The following COL6A6 variants were observed in gnomAD, a reference collection of about 807,000 sequenced individuals.
The protein encoded by COL6A6 is collagen alpha-6(VI) chain.
In COL6A6, 183 loss-of-function variants were observed where a neutral mutation model predicts 208.6. The ratio of observed to expected loss-of-function variants is 0.88; its 90% confidence interval spans 0.78 to 0.99. COL6A6 has a LOEUF of 0.99. COL6A6 is among the 50% of genes least tolerant of loss of function. The pLI is 0.00. For missense variants in COL6A6, 2,816 were observed against 2,815.2 expected (o/e 1.00, Z -0.01); for synonymous variants, 973 against 1,011.8 (o/e 0.96, Z 0.73).
At chr3:130,650,771 G>T (rs2065618379) in intron 33 of COL6A6, among the ~76,000 whole-genome samples, 1 of 152,190 alleles carries the variant, frequency 6.6e-6, no homozygotes, top group African/African-American at 2.4e-5. Context: ...AACTAGGGGT[G>T]ACAGCAGTAG....
intron 23 of COL6A6, among the ~76,000 whole-genome samples, chr3:130,615,318 G>GT (rs1239224526): frequency 1.1e-4 from 17 of 151,750 alleles, no homozygotes; most frequent in Admixed American, 3.9e-4. Context: ...ATATGATTTT[G>GT]TTTTTTTTCT....
chr3:130,611,199 G>A (rs2064348213), intron 23 of COL6A6, among the ~76,000 whole-genome samples: 1 of 151,518 alleles, frequency 6.6e-6, no homozygotes, highest in Non-Finnish European at 1.5e-5. Flanking sequence ...CCTAGGGTTG[G>A]GAATGACTGC....
At chr3:130,596,265 T>C (rs1000180246) in intron 18 of COL6A6, among the ~76,000 whole-genome samples, 8 of 152,216 alleles carry the variant, frequency 5.3e-5, no homozygotes, top group Admixed American at 1.3e-4. Context: ...AACTTAGAAA[T>C]ATTAGTTCAA....
intron 36 of COL6A6, among the ~76,000 whole-genome samples, chr3:130,672,513 C>G (rs2066244419): frequency 6.6e-6 from 1 of 151,712 alleles, no homozygotes; most frequent in African/African-American, 2.4e-5. Context: ...AGCGATTCTC[C>G]TGCCTCAACC....
chr3:130,662,894 G>C (rs2065972867), intron 35 of COL6A6, among the ~76,000 whole-genome samples: 1 of 152,118 alleles, frequency 6.6e-6, no homozygotes, highest in African/African-American at 2.4e-5. Context: ...CCATAAAAAA[G>C]AAACATGGGC....
chr3:130,591,833 C>G (rs2063722984), intron 13 of COL6A6, among the ~76,000 whole-genome samples: 2 of 152,100 alleles, frequency 1.3e-5, no homozygotes, highest in Non-Finnish European at 1.5e-5. Context: ...AAAGTTGGGG[C>G]TTGAGAGGGG....
At position 130,581,801 on chromosome 3, in the gene COL6A6, A is replaced by G; in HGVS notation, c.3788A>G (p.Asn1263Ser). The G allele has an allele frequency of 1.2e-6, 2 of 1,613,350 alleles. No homozygotes were observed. The highest frequency in any genetic ancestry group is 3.3e-5 in the Admixed American group (2 of 60,022). Residue 1263 changes from asparagine to serine, a missense_variant, in exon 9 of 37, where the codon AAT (asparagine) becomes AGT (serine). Physicochemically the swap from Asn to Ser is conservative, Grantham distance 46 (BLOSUM62 1). Coordinates refer to ENST00000358511, the MANE Select transcript of COL6A6 (RefSeq NM_001102608.3). Reference protein sequence around the residue: ...KFEIYSENILNSLKDITVKGP... With the variant: ...KFEIYSENILSSLKDITVKGP... ...GAGATCTACAGTGAAAACATACTGAATAGCTTGAAGGATATAACAGTTAAA... is the reference window on the plus strand; with the variant it reads ...GAGATCTACAGTGAAAACATACTGAGTAGCTTGAAGGATATAACAGTTAAA...
intron 33 of COL6A6, among the ~76,000 whole-genome samples, chr3:130,656,169 T>C (rs748787698): frequency 6.6e-6 from 1 of 152,246 alleles, no homozygotes; most frequent in Non-Finnish European, 1.5e-5. Context: ...CTCACCTTGT[T>C]GTCACCCACA....
At chr3:130,622,585 T>C (rs879421017) in intron 24 of COL6A6, among the ~76,000 whole-genome samples, 2 of 151,686 alleles carry the variant, frequency 1.3e-5, no homozygotes, top group South Asian at 2.1e-4. Context: ...GAGCCGGGCG[T>C]GGTGGCTCAC....
intron 1 of COL6A6, among the ~76,000 whole-genome samples, chr3:130,540,194 T>C (rs1045585357): frequency 5.9e-5 from 9 of 152,238 alleles, no homozygotes; most frequent in Non-Finnish European, 8.8e-5. Flanking sequence ...ACGACTTTTT[T>C]AGAGCAGTTT....
chr3:130,548,299 G>GTGT (rs773521049), intron 1 of COL6A6, among the ~76,000 whole-genome samples: 1 of 152,210 alleles, frequency 6.6e-6, no homozygotes, highest in African/African-American at 2.4e-5. Flanking sequence ...AGGAGAGGAA[G>GTGT]TGTTGCATAG....
chr3:130,567,531 G>A (rs765053058), intron 5 of COL6A6, among the ~76,000 whole-genome samples: 1 of 152,194 alleles, frequency 6.6e-6, no homozygotes, highest in Non-Finnish European at 1.5e-5. Context: ...AGATATATGA[G>A]TGTACACCAC....
Position 130,661,765 on chromosome 3 carries a change from T to A in COL6A6, c.5959T>A (p.Phe1987Ile), listed in dbSNP as rs2065938849. 6.2e-7 allele frequency: 1 copy of A among 1,613,922 alleles called. No individual in the cohort carries two copies. ...TGCTGAATTTGAAGACATAAGAGCC[T>A]TCCTTGGAGCACTATTAGATCACTT... ...GSAEFEDIRAFLGALLDHFEI... is the reference protein window; with the variant it reads ...GSAEFEDIRAILGALLDHFEI... Residue 1987 changes from phenylalanine to isoleucine, a missense_variant, in exon 35 of 37, where the codon TTC becomes ATC. Physicochemically the swap from Phe to Ile is conservative, Grantham distance 21. Coordinates refer to ENST00000358511, the MANE Select transcript of COL6A6 (RefSeq NM_001102608.3).
intron 1 of COL6A6, among the ~76,000 whole-genome samples, chr3:130,533,656 A>G (rs1026200709): frequency 6.6e-6 from 1 of 152,172 alleles, no homozygotes; most frequent in Admixed American, 6.5e-5. Context: ...AGCGGGGACC[A>G]CTGTTCTGAA....
chr3:130,666,242 T>C (rs1388332146), intron 36 of COL6A6, among the ~76,000 whole-genome samples: 1 of 152,176 alleles, frequency 6.6e-6, no homozygotes, highest in Non-Finnish European at 1.5e-5. Flanking sequence ...AAATGATATT[T>C]GGGGAACAAT....
rs2066067561 is a variant in COL6A6, at chr3:130,666,066, C to T, written c.6596+970C>T. On this transcript the variant is annotated intron_variant, in intron 36 of 36. Transcript: ENST00000358511. ...GGAAACCAATGGACAATTCCAGAAT[C>T]TAGAATGTTTTTCAGAACACCTTGC... 2.0e-5 allele frequency among the ~76,000 whole-genome samples: 3 copies of T among 152,044 alleles called. No homozygotes were observed. In the South Asian group the frequency reaches 6.2e-4, roughly 32 times the overall value.
chr3:130,655,842 G>C (rs1199790084), intron 33 of COL6A6, among the ~76,000 whole-genome samples: 1 of 152,214 alleles, frequency 6.6e-6, no homozygotes, highest in Non-Finnish European at 1.5e-5. Flanking sequence ...CACCCATTCA[G>C]CCTGGCAGGC....
At chr3:130,543,283 G>C (rs116027760) in intron 1 of COL6A6, among the ~76,000 whole-genome samples, 1,610 of 152,180 alleles carry the variant, frequency 0.011, 25 homozygotes, top group African/African-American at 0.037. Context: ...TTTGTTTTTT[G>C]ATCCACTCAG....
intron 1 of COL6A6, among the ~76,000 whole-genome samples, chr3:130,525,411 C>T (rs747052057): frequency 2.0e-5 from 3 of 152,188 alleles, no homozygotes; most frequent in Non-Finnish European, 4.4e-5. Flanking sequence ...AGAAGTCGCT[C>T]AGGGACTTGG....
Sources: allele counts gnomAD v4.1 joint callset (sites outside exome capture counted in the v4.1 genomes callset), GRCh38; gene constraint gnomAD v4.1.1; transcripts MANE v1.5; gene names NCBI Gene and HGNC (gene_info 2026-07-23, HGNC 2026-07-21).